The following JUP variants were observed in gnomAD, a reference collection of about 807,000 sequenced individuals.
JUP encodes catenin (cadherin-associated protein), gamma 80kDa.
In JUP, 28 loss-of-function variants were observed where a neutral mutation model predicts 71.1. That is an observed-to-expected ratio of 0.39 (90% CI 0.29 to 0.54). The LOEUF (loss-of-function observed/expected upper bound fraction) is 0.54. JUP is among the 20% of genes least tolerant of loss of function. JUP has a pLI of 0.62. For synonymous variants in JUP, 401 were observed against 438.9 expected, an observed-to-expected ratio of 0.91 and a Z score of 1.08; for missense variants, 869 against 1,030.1, an observed-to-expected ratio of 0.84 and a Z score of 2.14.
At position 41,762,004 on chromosome 17, in the gene JUP, G is replaced by C. The variant is rs1320658532; in HGVS notation, c.1497+979C>G. ...GAATCACTTGAACCCGGGAAGCAGAGGTTGCAGTGAGCCAAGAATGTACCA... is the reference window on the plus strand; with the variant it reads ...GAATCACTTGAACCCGGGAAGCAGACGTTGCAGTGAGCCAAGAATGTACCA... On this transcript the variant is annotated intron_variant, in intron 8 of 13. Transcript: ENST00000393931. Among the ~76,000 whole-genome samples the C allele has an allele frequency of 3.3e-5, 5 of 151,722 alleles. No homozygotes were observed. The East Asian group carries it at 9.7e-4, about 29-fold the overall frequency.
chr17:41,774,240 G>C (rs370644109), intron 1 of JUP, among the ~76,000 whole-genome samples: 9 of 151,804 alleles, frequency 5.9e-5, no homozygotes, highest in South Asian at 2.1e-4. Context: ...ATGGGGGGGT[G>C]GGGGGGTGGA....
intron 1 of JUP, chr17:41,785,880 A>ACC (rs2047433601): frequency 1.2e-5 from 1 of 82,704 alleles, no homozygotes; most frequent in African/African-American, 4.4e-5. Context: ...CGAGCCCTGC[A>ACC]CCCCCCAGTC....
In JUP at chr17:41,757,860, C is replaced by A. The variant is rs1597783145; in HGVS notation, c.1774-76G>T. On this transcript the variant is annotated intron_variant, in intron 10 of 13. Coordinates refer to ENST00000393931, the MANE Select transcript of JUP (RefSeq NM_002230.4). ...AGGCCGGACAACACACCCCACAGCA[C>A]TGCCCACCTCCACCCTGTAGCAATT... 4.9e-6 allele frequency: 6 copies of A among 1,236,792 alleles called. No individual in the cohort carries two copies. In the East Asian group the frequency reaches 1.4e-4, roughly 29 times the overall value. The allele number at this position is 1,236,792 out of a possible 1,614,324, so 76.6% of individuals were successfully genotyped here.
chr17:41,772,382 C>T (rs1008994745), intron 1 of JUP: 9 of 240,626 alleles, frequency 3.7e-5, no homozygotes, highest in East Asian at 3.0e-4. Context: ...TTCTCTGGAG[C>T]GCCCCAGGCT....
chr17:41,757,987 T>A (rs961730079), intron 10 of JUP, among the ~76,000 whole-genome samples: 1 of 152,198 alleles, frequency 6.6e-6, no homozygotes, highest in Non-Finnish European at 1.5e-5. Flanking sequence ...TGACTCTGCC[T>A]CATCTAACCA....
intron 8 of JUP, among the ~76,000 whole-genome samples, chr17:41,762,168 AGAGAGAGAGTGT>A (rs1159658777): frequency 0.022 from 1,084 of 49,000 alleles, no homozygotes; most frequent in South Asian, 0.042. Flanking sequence ...AGAGAGAGAG[AGAGAGAGAGTGT>A]GTGTGTGTGT....
intron 7 of JUP, 44 bp downstream of exon 7, chr17:41,764,669 G>T (rs1915408317): frequency 6.6e-7 from 1 of 1,512,562 alleles, no homozygotes; most frequent in Non-Finnish European, 9.2e-7. Flanking sequence ...AGGCTGGATG[G>T]GGCAGCTGAA....
At chr17:41,758,572 C>A (rs1914263720) in intron 9 of JUP, 54 bp from the exon 10 acceptor site, 2 of 1,592,824 alleles carry the variant, frequency 1.3e-6, no homozygotes, top group South Asian at 1.1e-5. Flanking sequence ...ATGGCCACAA[C>A]TCCTCCCCAT....
chr17:41,766,658 C>G (rs1290267929), intron 5 of JUP, among the ~76,000 whole-genome samples: 3 of 151,996 alleles, frequency 2.0e-5, no homozygotes, highest in Non-Finnish European at 4.4e-5. Context: ...AGTTCGAGAC[C>G]AGCCTGGCCA....
chr17:41,758,254 T>C, intron 10 of JUP, 145 bp downstream of exon 10: 1 of 943,730 alleles, frequency 1.1e-6, no homozygotes, highest in Non-Finnish European at 1.6e-6. Context: ...GGTTGCTAAG[T>C]AGTCAATCTG....
intron 1 of JUP, among the ~76,000 whole-genome samples, chr17:41,772,485 C>G (rs1916822851): frequency 6.6e-6 from 1 of 152,170 alleles, no homozygotes; most frequent in African/African-American, 2.4e-5. Context: ...TCTCTCCCAG[C>G]CCTCCCAGTC....
chr17:41,775,290 G>A (rs1291765530), intron 1 of JUP, among the ~76,000 whole-genome samples: 3 of 152,134 alleles, frequency 2.0e-5, no homozygotes, highest in Admixed American at 6.6e-5. Context: ...AACCAGTTCA[G>A]AGAGAGGACA....
intron 1 of JUP, among the ~76,000 whole-genome samples, chr17:41,784,211 C>G (rs868959625): frequency 3.3e-5 from 5 of 152,058 alleles, no homozygotes; most frequent in Non-Finnish European, 5.9e-5. Context: ...AGCCCTAGCC[C>G]GACCTTTTTC....
In JUP at chr17:41,783,608, G is replaced by T. The variant is rs150011685; in HGVS notation, c.-9+2980C>A. On this transcript the variant is annotated intron_variant, in intron 1 of 13. Coordinates refer to ENST00000393931, the MANE Select transcript of JUP (RefSeq NM_002230.4). The stretch of plus-strand genomic sequence containing the variant: ...CAGCCTGGCCAGCCATAAGGATTAA[G>T]TAAAAATAGTTAATGAAAGTGCTTG... Among the ~76,000 whole-genome samples, 181 of 151,912 alleles carry T rather than the reference G, an allele frequency of 1.2e-3. 3 individuals carry two copies. The East Asian group carries it at 0.034, about 29-fold the overall frequency.
intron 8 of JUP, among the ~76,000 whole-genome samples, chr17:41,759,907 T>A (rs1175236356): frequency 6.6e-6 from 1 of 151,866 alleles, no homozygotes; most frequent in African/African-American, 2.4e-5. Context: ...TAAACATGAA[T>A]TTTCTTTTTT....
intron 1 of JUP, among the ~76,000 whole-genome samples, chr17:41,778,880 C>G (rs1486378379): frequency 6.6e-6 from 1 of 151,198 alleles, no homozygotes; most frequent in Non-Finnish European, 1.5e-5. Flanking sequence ...CACTGCACTC[C>G]AGCCTGGGTG....
chr17:41,767,324 T>G, intron 5 of JUP, 55 bp downstream of exon 5: 2 of 1,482,146 alleles, frequency 1.3e-6, no homozygotes, highest in South Asian at 2.3e-5. Context: ...CTGTGCAGGA[T>G]AGAAGATGGC....
intron 2 of JUP, 113 bp from the exon 3 acceptor site, chr17:41,769,790 G>T: frequency 8.2e-7 from 1 of 1,216,366 alleles, no homozygotes; most frequent in Non-Finnish European, 1.1e-6. Context: ...CTCTTGCCCT[G>T]CCCAAACCCC....
intron 1 of JUP, among the ~76,000 whole-genome samples, chr17:41,776,949 T>G (rs547667096): frequency 6.6e-6 from 1 of 152,140 alleles, no homozygotes; most frequent in South Asian, 2.1e-4. Context: ...GAGGTTGCAG[T>G]GAGCCGAGAT....
Sources: allele counts gnomAD v4.1 joint callset (sites outside exome capture counted in the v4.1 genomes callset), GRCh38; gene constraint gnomAD v4.1.1; transcripts MANE v1.5; gene names NCBI Gene and HGNC (gene_info 2026-07-23, HGNC 2026-07-21).